Variants in CMSS1 observed in about 807,000 individuals in gnomAD.
CMSS1 encodes cms1 ribosomal small subunit homolog, also known as protein CMSS1.
In CMSS1, 33 loss-of-function variants were observed where a neutral mutation model predicts 43.5. The observed-to-expected ratio is 0.76, with a 90% CI of 0.57 to 1.01. The LOEUF (loss-of-function observed/expected upper bound fraction) is 1.01. CMSS1 is among the 50% of genes least tolerant of loss of function. CMSS1 has a pLI of 0.00. For missense variants in CMSS1, 313 were observed against 326.4 expected (o/e 0.96, Z 0.32); for synonymous variants, 115 against 117.2 (o/e 0.98, Z 0.12).
intron 1 of CMSS1, among the ~76,000 whole-genome samples, chr3:100,124,847 A>C (rs1312896993): frequency 1.3e-5 from 2 of 151,966 alleles, no homozygotes; most frequent in African/African-American, 2.4e-5. Context: ...TCAATGGTTT[A>C]TAAATTGATG....
chr3:100,022,031 A>G (rs2064835383), intron 1 of CMSS1, among the ~76,000 whole-genome samples: 1 of 151,484 alleles, frequency 6.6e-6, no homozygotes, highest in East Asian at 1.9e-4. Flanking sequence ...AGTTATACCC[A>G]TTTCCTTTTT....
At chr3:100,122,971 A>G (rs888718943) in intron 1 of CMSS1, among the ~76,000 whole-genome samples, 3 of 152,234 alleles carry the variant, frequency 2.0e-5, no homozygotes, top group African/African-American at 7.2e-5. Flanking sequence ...TATTTATTAC[A>G]TGTCCACTAT....
chr3:99,927,267 C>T (rs1707322828), intron 1 of CMSS1, among the ~76,000 whole-genome samples: 4 of 152,032 alleles, frequency 2.6e-5, no homozygotes, highest in Admixed American at 2.0e-4. Flanking sequence ...TATACCATTG[C>T]TTAAGGTAAG....
intron 1 of CMSS1, among the ~76,000 whole-genome samples, chr3:99,905,616 G>A (rs1706589860): frequency 6.6e-6 from 1 of 152,142 alleles, no homozygotes; most frequent in African/African-American, 2.4e-5. Flanking sequence ...TTACATATGT[G>A]TGTACTATAT....
intron 1 of CMSS1, among the ~76,000 whole-genome samples, chr3:99,983,431 T>C (rs1276212191): frequency 2.8e-5 from 2 of 71,944 alleles, no homozygotes; most frequent in African/African-American, 1.1e-4. Context: ...TATGTATGTA[T>C]GTATATATAT....
At chr3:99,818,087 C>T (rs1271694173) in intron 1 of CMSS1, 44 bp downstream of exon 1, 3 of 1,582,146 alleles carry the variant, frequency 1.9e-6, no homozygotes, top group Non-Finnish European at 1.7e-6. Context: ...TCTCCCGGAG[C>T]CCTTCCGTGC....
Position 100,042,144 on chromosome 3 carries a change from C to T in CMSS1, c.65-104829C>T, listed in dbSNP as rs552567286. Among the ~76,000 whole-genome samples, 82 of 152,084 alleles carry T rather than the reference C, an allele frequency of 5.4e-4. 1 individual carries two copies. The highest frequency in any genetic ancestry group is 9.4e-4 in the Non-Finnish European group (64 of 68,022). On this transcript the variant is annotated intron_variant, in intron 1 of 9. Transcript: ENST00000421999. ...TGACCTTTAAATGTAGTCATTATTA[C>T]ATATTAAAGGATCTACAAAGGGCAA... is the stretch of plus-strand genomic sequence containing the variant.
rs571965800 is a variant in CMSS1, at chr3:100,057,408, C to G, written c.65-89565C>G. Among the ~76,000 whole-genome samples, 9 of 152,304 alleles carry G rather than the reference C, an allele frequency of 5.9e-5. No individual in the cohort carries two copies. The South Asian group carries it at 1.2e-3, about 21-fold the overall frequency. The stretch of plus-strand genomic sequence containing the variant: ...TCAAGGAAAAAGGCCAATAAAAGCC[C>G]AGACCTTTCAAGCTATAGAATCTGC... On this transcript the variant is annotated intron_variant, in intron 1 of 9. Coordinates refer to ENST00000421999, the MANE Select transcript of CMSS1 (RefSeq NM_032359.4).
At chr3:100,092,728 A>T (rs997327099) in intron 1 of CMSS1, among the ~76,000 whole-genome samples, 2 of 150,288 alleles carry the variant, frequency 1.3e-5, no homozygotes, top group Non-Finnish European at 3.0e-5. Flanking sequence ...AAATATTCAT[A>T]CTTACTCTGA....
intron 1 of CMSS1, among the ~76,000 whole-genome samples, chr3:99,961,221 G>T (rs112481712): frequency 1.1e-4 from 17 of 152,156 alleles, no homozygotes; most frequent in African/African-American, 4.1e-4. Flanking sequence ...ATGCCCGAGG[G>T]GATCCGGACT....
At chr3:100,149,928 C>G (rs1265175972) in intron 2 of CMSS1, among the ~76,000 whole-genome samples, 1 of 152,078 alleles carries the variant, frequency 6.6e-6, no homozygotes, top group East Asian at 1.9e-4. Context: ...TTGTGATGCC[C>G]TATCCCTCCT....
In CMSS1 at chr3:99,971,778, C is replaced by T. The variant is rs77601716; in HGVS notation, c.64+153735C>T. Among the ~76,000 whole-genome samples, 467 of 152,286 alleles carry T rather than the reference C, an allele frequency of 3.1e-3. 4 individuals are homozygous for T. Among genetic ancestry groups the T allele is most frequent in the African/African-American group, 0.011 (441 of 41,558 alleles). On this transcript the variant is annotated intron_variant, in intron 1 of 9. Coordinates refer to ENST00000421999, the MANE Select transcript of CMSS1 (RefSeq NM_032359.4). ...TGAAAGGAGTCCTCTCCCTGCAACA[C>T]CATTCCCATAAAAGAGAACAGAGTC...
At chr3:100,092,709 T>C (rs13323143) in intron 1 of CMSS1, among the ~76,000 whole-genome samples, 26,958 of 148,316 alleles carry the variant, frequency 0.18, 2,825 homozygotes, top group South Asian at 0.24. Context: ...GTTCTCCCTT[T>C]AGAGAAAAAA....
intron 2 of CMSS1, among the ~76,000 whole-genome samples, chr3:100,147,373 CAATCCT>C: frequency 1.4e-5 from 2 of 147,046 alleles, no homozygotes; most frequent in South Asian, 4.4e-4. Flanking sequence ...TGGGCTCAAG[CAATCCT>C]CTTACCTCAG....
At chr3:100,135,746 GA>G (rs2066748258) in intron 1 of CMSS1, among the ~76,000 whole-genome samples, 1 of 152,014 alleles carries the variant, frequency 6.6e-6, no homozygotes, top group Non-Finnish European at 1.5e-5. Flanking sequence ...TGCAGCTAGT[GA>G]CAGAAATTTT....
At chr3:99,865,439 C>T (rs1295682943) in intron 1 of CMSS1, among the ~76,000 whole-genome samples, 2 of 152,200 alleles carry the variant, frequency 1.3e-5, no homozygotes, top group Non-Finnish European at 2.9e-5. Flanking sequence ...ATCACCACCA[C>T]TAGCAATTCA....
intron 1 of CMSS1, among the ~76,000 whole-genome samples, chr3:100,141,361 T>A (rs770058210): frequency 1.3e-5 from 2 of 152,174 alleles, no homozygotes; most frequent in African/African-American, 2.4e-5. Context: ...TCTAAATGGA[T>A]CCCCAAAAAT....
At chr3:100,047,117 T>A (rs1038910729) in intron 1 of CMSS1, among the ~76,000 whole-genome samples, 1 of 152,190 alleles carries the variant, frequency 6.6e-6, no homozygotes, top group African/African-American at 2.4e-5. Context: ...TAACCTAAAT[T>A]TCCTTGTTGG....
chr3:100,015,548 TATTTTTTA>T (rs1710317071), intron 1 of CMSS1, among the ~76,000 whole-genome samples: 1 of 152,228 alleles, frequency 6.6e-6, no homozygotes, highest in Non-Finnish European at 1.5e-5. Context: ...TGTGGGACAA[TATTTTTTA>T]CACATTCTTG....
Sources: gnomAD v4.1 joint callset for allele counts (sites outside exome capture counted in the v4.1 genomes callset) on GRCh38, gnomAD v4.1.1 for gene constraint, MANE v1.5 for transcripts, NCBI Gene and HGNC (gene_info 2026-07-23, HGNC 2026-07-21) for gene names.